The following VPS8 variants were observed in gnomAD, a reference collection of about 807,000 sequenced individuals.
VPS8 encodes the protein vacuolar protein sorting-associated protein 8 homolog.
A neutral mutation model predicts 216.4 loss-of-function variants in VPS8; 129 were observed. The observed-to-expected ratio is 0.60, with a 90% CI of 0.52 to 0.69. The LOEUF is 0.69. Ranked by LOEUF, VPS8 falls within the 30% of genes least tolerant of loss-of-function variation. VPS8 has a pLI of 0.00. For synonymous variants in VPS8, 571 were observed against 565.4 expected, an observed-to-expected ratio of 1.01 and a Z score of -0.14; for missense variants, 1,531 against 1,683.5, an observed-to-expected ratio of 0.91 and a Z score of 1.59.
chr3:184,879,047 C>CA (rs2108825869), intron 21 of VPS8, among the ~76,000 whole-genome samples: 1 of 152,254 alleles, frequency 6.6e-6, no homozygotes, highest in East Asian at 1.9e-4. Context: ...ACCATCGCTC[C>CA]AAAAAGCAAA....
intron 7 of VPS8, among the ~76,000 whole-genome samples, chr3:184,841,493 G>A (rs756691229): frequency 1.3e-5 from 2 of 152,030 alleles, no homozygotes; most frequent in Non-Finnish European, 1.5e-5. Context: ...TAAGTTGTTT[G>A]TAAACATATA....
intron 42 of VPS8, 44 bp downstream of exon 42, chr3:184,983,138 A>AT (rs1397914840): frequency 8.2e-6 from 12 of 1,463,128 alleles, no homozygotes; most frequent in Middle Eastern, 2.0e-4. Flanking sequence ...TTCAACTAAC[A>AT]TTTTAGTTAT....
intron 25 of VPS8, among the ~76,000 whole-genome samples, chr3:184,904,632 T>C (rs575860082): frequency 7.9e-5 from 12 of 152,316 alleles, no homozygotes; most frequent in East Asian, 7.7e-4. Context: ...ATAAGAGATA[T>C]TGTTCTACAG....
chr3:185,029,802 G>A (rs532945945), intron 46 of VPS8, among the ~76,000 whole-genome samples: 12 of 152,188 alleles, frequency 7.9e-5, no homozygotes, highest in Middle Eastern at 3.4e-3. Context: ...GACCTCAAGC[G>A]ATCCTCCCAC....
intron 36 of VPS8, among the ~76,000 whole-genome samples, chr3:184,955,106 G>T (rs1745355692): frequency 6.6e-6 from 1 of 152,116 alleles, no homozygotes; most frequent in South Asian, 2.1e-4. Context: ...CCGCGAAAGG[G>T]AGTCTCCTTT....
At chr3:184,814,323 C>T (rs1715842066) in intron 1 of VPS8, among the ~76,000 whole-genome samples, 1 of 152,212 alleles carries the variant, frequency 6.6e-6, no homozygotes, top group African/African-American at 2.4e-5. Context: ...TTCCCTATCT[C>T]CTCTGCAACT....
intron 13 of VPS8, 47 bp from the exon 14 acceptor site, chr3:184,855,664 C>T: frequency 1.4e-6 from 2 of 1,441,782 alleles, no homozygotes; most frequent in Non-Finnish European, 1.9e-6. Flanking sequence ...TCTTTGTCCC[C>T]TTGTTTATTA....
At chr3:184,813,076 C>T (rs2108444716) in intron 1 of VPS8, among the ~76,000 whole-genome samples, 1 of 152,204 alleles carries the variant, frequency 6.6e-6, no homozygotes, top group African/African-American at 2.4e-5. Context: ...CTCAGAGTGT[C>T]TGGGTGTACA....
chr3:184,901,395 C>T (rs1251327172), intron 25 of VPS8: 1 of 155,334 alleles, frequency 6.4e-6, no homozygotes, highest in South Asian at 2.0e-4. Context: ...ATACCATAAG[C>T]TGTTTAATCA....
At chr3:185,007,177 C>T (rs1456093513) in intron 45 of VPS8, among the ~76,000 whole-genome samples, 5 of 152,190 alleles carry the variant, frequency 3.3e-5, no homozygotes, top group Non-Finnish European at 7.3e-5. Flanking sequence ...CTTATCTCCC[C>T]CTCTTCCTCC....
At chr3:184,911,476 CTACAG>C (rs2109058219) in intron 25 of VPS8, among the ~76,000 whole-genome samples, 1 of 152,322 alleles carries the variant, frequency 6.6e-6, no homozygotes, top group Non-Finnish European at 1.5e-5. Context: ...CATACACAAG[CTACAG>C]TAGGATCTTC....
At chr3:185,018,412 G>A (rs6766911) in intron 45 of VPS8, among the ~76,000 whole-genome samples, 146,195 of 152,282 alleles carry the variant, frequency 0.96, 70,470 homozygotes, top group East Asian at 1. Context: ...AAGCTGCTCT[G>A]TGGCATCATC....
At chr3:184,813,256 C>T (rs1456904206) in intron 1 of VPS8, among the ~76,000 whole-genome samples, 1 of 152,126 alleles carries the variant, frequency 6.6e-6, no homozygotes, top group East Asian at 1.9e-4. Context: ...CTGGCCTCTG[C>T]ACCATCCACC....
intron 21 of VPS8, among the ~76,000 whole-genome samples, chr3:184,885,351 A>C (rs1464968118): frequency 6.6e-6 from 1 of 152,230 alleles, no homozygotes; most frequent in African/African-American, 2.4e-5. Flanking sequence ...ATGCTTGGTT[A>C]CTTGACAATT....
chr3:184,971,186 G>A (rs1382988243), intron 39 of VPS8, among the ~76,000 whole-genome samples: 1 of 152,210 alleles, frequency 6.6e-6, no homozygotes, highest in Non-Finnish European at 1.5e-5. Flanking sequence ...GATTGGAGAT[G>A]TGTGTTTGAA....
At chr3:184,991,764 A>C (rs950413657) in intron 42 of VPS8, among the ~76,000 whole-genome samples, 8 of 152,184 alleles carry the variant, frequency 5.3e-5, no homozygotes, top group African/African-American at 1.9e-4. Context: ...TTTTTATGCA[A>C]AGAAAATAAA....
At chr3:185,045,265 G>T (rs577595951) in intron 46 of VPS8, among the ~76,000 whole-genome samples, 1 of 82,734 alleles carries the variant, frequency 1.2e-5, no homozygotes, top group African/African-American at 4.9e-5. Context: ...GAAGTGTTAG[G>T]GTTTTGATTT....
chr3:184,901,995 T>C (rs1286376224), intron 25 of VPS8, among the ~76,000 whole-genome samples: 1 of 152,152 alleles, frequency 6.6e-6, no homozygotes, highest in Non-Finnish European at 1.5e-5. Context: ...TAATGAGTAA[T>C]GGTATTTCAT....
chr3:184,990,382 G>A (rs75418078), intron 42 of VPS8, among the ~76,000 whole-genome samples: 2,765 of 152,216 alleles, frequency 0.018, 92 homozygotes, highest in African/African-American at 0.063. Flanking sequence ...AGCAGAGATC[G>A]TGTCTCCCTT....
Sources: gnomAD v4.1 joint callset for allele counts (sites outside exome capture counted in the v4.1 genomes callset) on GRCh38, gnomAD v4.1.1 for gene constraint, MANE v1.5 for transcripts, NCBI Gene and HGNC (gene_info 2026-07-23, HGNC 2026-07-21) for gene names.